Variants in ROBO1 observed in about 807,000 individuals in gnomAD.
The protein encoded by ROBO1 is roundabout homolog 1.
Under a neutral mutation model 195.9 loss-of-function variants are expected in ROBO1, and 149 were observed. The ratio of observed to expected loss-of-function variants is 0.76; its 90% CI spans 0.67 to 0.87. ROBO1 has a LOEUF of 0.87. Among genes scored for constraint, ROBO1 ranks in the 40% least tolerant of loss-of-function variants. The pLI is 0.00. For synonymous variants in ROBO1, 816 were observed against 733.2 expected (o/e 1.11, Z -1.82); for missense variants, 1,933 against 2,068.3 (o/e 0.93, Z 1.27).
chr3:78,667,303 A>C (rs980435977), intron 14 of ROBO1, among the ~76,000 whole-genome samples: 7 of 152,158 alleles, frequency 4.6e-5, no homozygotes, highest in African/African-American at 1.4e-4. Context: ...ACAGGTGTAT[A>C]TATTTATGGG....
intron 2 of ROBO1, among the ~76,000 whole-genome samples, chr3:79,381,812 G>A (rs547288013): frequency 6.6e-6 from 1 of 152,042 alleles, no homozygotes; most frequent in African/African-American, 2.4e-5. Flanking sequence ...TATAATTATA[G>A]TAATATGCAT....
At chr3:78,862,855 A>G (rs774942727) in intron 4 of ROBO1, among the ~76,000 whole-genome samples, 10 of 152,128 alleles carry the variant, frequency 6.6e-5, no homozygotes, top group Non-Finnish European at 1.5e-4. Context: ...CATTTTGGTA[A>G]CTCTGATACA....
At chr3:79,174,248 G>A (rs573272075) in intron 2 of ROBO1, among the ~76,000 whole-genome samples, 1 of 152,162 alleles carries the variant, frequency 6.6e-6, no homozygotes, top group Non-Finnish European at 1.5e-5. Context: ...AAGGTCTGCA[G>A]CTTCACTCCT....
intron 4 of ROBO1, among the ~76,000 whole-genome samples, chr3:78,856,710 T>C (rs2034465335): frequency 6.6e-6 from 1 of 151,590 alleles, no homozygotes; most frequent in South Asian, 2.1e-4. Context: ...TTATGTTTAG[T>C]ACATAATGAA....
intron 21 of ROBO1, among the ~76,000 whole-genome samples, chr3:78,640,274 T>C (rs1018540113): frequency 2.3e-4 from 35 of 152,206 alleles, no homozygotes; most frequent in African/African-American, 8.4e-4. Context: ...CTTCTTCATT[T>C]TGACCCATTA....
At chr3:79,691,884 C>A (rs1007307487) in intron 1 of ROBO1, among the ~76,000 whole-genome samples, 1 of 151,830 alleles carries the variant, frequency 6.6e-6, no homozygotes, top group Non-Finnish European at 1.5e-5. Flanking sequence ...TTCATGTGTT[C>A]TTTTGATTTC....
At chr3:79,327,104 C>T (rs1427484007) in intron 2 of ROBO1, among the ~76,000 whole-genome samples, 3 of 151,726 alleles carry the variant, frequency 2.0e-5, no homozygotes, top group Middle Eastern at 3.4e-3. Flanking sequence ...ACATTACACA[C>T]AAAAAAACAA....
At chr3:79,409,058 G>A (rs1393694928) in intron 2 of ROBO1, among the ~76,000 whole-genome samples, 1 of 152,052 alleles carries the variant, frequency 6.6e-6, no homozygotes, top group South Asian at 2.1e-4. Flanking sequence ...TAAGAAACAG[G>A]ACAAATTATA....
At chr3:79,149,737 T>A (rs144492851) in intron 2 of ROBO1, among the ~76,000 whole-genome samples, 1 of 151,860 alleles carries the variant, frequency 6.6e-6, no homozygotes, top group East Asian at 2.0e-4. Context: ...TGCTTCTTAA[T>A]CTTTTTAATT....
chr3:78,905,264 G>A (rs1413812346), intron 4 of ROBO1, among the ~76,000 whole-genome samples: 7 of 152,002 alleles, frequency 4.6e-5, no homozygotes, highest in African/African-American at 1.7e-4. Context: ...CTAAGACTAC[G>A]CTGGGATACT....
At chr3:78,638,607 C>A (rs1443224487) in intron 22 of ROBO1, among the ~76,000 whole-genome samples, 1 of 152,100 alleles carries the variant, frequency 6.6e-6, no homozygotes, top group African/African-American at 2.4e-5. Context: ...CAGTAGCTCA[C>A]CCCTGTAATC....
chr3:79,241,276 C>A (rs1272098950), intron 2 of ROBO1, among the ~76,000 whole-genome samples: 3 of 152,100 alleles, frequency 2.0e-5, no homozygotes, highest in African/African-American at 7.2e-5. Flanking sequence ...TAGAAACAGA[C>A]TAGAGAAAAT....
At chr3:78,833,557 A>G (rs1387930809) in intron 4 of ROBO1, among the ~76,000 whole-genome samples, 2 of 151,788 alleles carry the variant, frequency 1.3e-5, no homozygotes, top group African/African-American at 4.8e-5. Context: ...AAGTCCCAAT[A>G]AAGAGGAGAG....
At chr3:78,731,636 A>G (rs2082289132) in intron 5 of ROBO1, among the ~76,000 whole-genome samples, 1 of 152,136 alleles carries the variant, frequency 6.6e-6, no homozygotes, top group Non-Finnish European at 1.5e-5. Flanking sequence ...CTTCTGAAAA[A>G]AAATGCTGAA....
At chr3:78,599,999 G>A (rs751381046) in intron 30 of ROBO1, 114 bp downstream of exon 30, 4 of 842,238 alleles carry the variant, frequency 4.7e-6, no homozygotes, top group Non-Finnish European at 8.1e-6. Context: ...AGACATTAGA[G>A]TACTGAAAAG....
Position 78,688,724 on chromosome 3 carries a change from C to A in ROBO1, c.1094G>T (p.Gly365Val). The change falls in exon 9 of 31, where the codon GGA (glycine) becomes GTA (valine). Residue 365 changes from glycine to valine, a missense_variant. Gly to Val is a moderately radical substitution (Grantham distance 109). Coordinates refer to ENST00000464233, the MANE Select transcript of ROBO1 (RefSeq NM_002941.4). ...TTCACACTGAAAAGTTACAGTCCGT[C>A]CCAAAGCAACAACCTGGTCACGGGG... is the stretch of plus-strand genomic sequence containing the variant. ...VKPRDQVVAL[G>V]RTVTFQCEAT... 6.2e-7 allele frequency: 1 copy of A among 1,609,154 alleles called. No homozygotes were observed. Among genetic ancestry groups the A allele is most frequent in the South Asian group, 1.1e-5 (1 of 89,802 alleles).
At chr3:79,408,637 T>C (rs552587481) in intron 2 of ROBO1, among the ~76,000 whole-genome samples, 3 of 152,266 alleles carry the variant, frequency 2.0e-5, no homozygotes, top group African/African-American at 7.2e-5. Flanking sequence ...ATACTACATA[T>C]AAATCTGTAC....
chr3:79,288,465 A>G (rs935854432), intron 2 of ROBO1, among the ~76,000 whole-genome samples: 7 of 152,196 alleles, frequency 4.6e-5, no homozygotes, highest in African/African-American at 1.7e-4. Context: ...AGAACATTCT[A>G]AACTTACGAT....
At chr3:79,399,585 C>G (rs576037557) in intron 2 of ROBO1, among the ~76,000 whole-genome samples, 1 of 152,234 alleles carries the variant, frequency 6.6e-6, no homozygotes, top group South Asian at 2.1e-4. Context: ...AGCGATCATG[C>G]CCATTCTGGC....
Sources: gnomAD v4.1 joint callset for allele counts (sites outside exome capture counted in the v4.1 genomes callset) on GRCh38, gnomAD v4.1.1 for gene constraint, MANE v1.5 for transcripts, NCBI Gene and HGNC (gene_info 2026-07-23, HGNC 2026-07-21) for gene names.